RYR2: variants seen among roughly 807,000 people sequenced by gnomAD.
RYR2 encodes the protein cardiac muscle ryanodine receptor-calcium release channel.
In RYR2, 227 loss-of-function variants were observed where a neutral mutation model predicts 601.1. That is an observed-to-expected ratio of 0.38 (90% CI 0.34 to 0.42). RYR2 has a LOEUF of 0.42. Among genes scored for constraint, RYR2 ranks in the 10% least tolerant of loss-of-function variants. The pLI is 1.00. For missense variants in RYR2, 4,646 were observed against 6,156.5 expected, an observed-to-expected ratio of 0.75 and a Z score of 8.21; for synonymous variants, 2,223 against 2,175.1, an observed-to-expected ratio of 1.02 and a Z score of -0.61.
In RYR2 at chr1:237,739,036, T is replaced by C. The variant is rs1315228885; in HGVS notation, c.11092-3260T>C. Among the ~76,000 whole-genome samples the C allele has an allele frequency of 3.3e-5, 5 of 152,344 alleles. No homozygotes were observed. The East Asian group carries it at 5.8e-4, about 18-fold the overall frequency. ...ATGAAATGGTATTTTGCTGGAGTCA[T>C]GATTTTCATTTCTCTTGGCTAGGTA... On this transcript the variant is annotated intron_variant, in intron 79 of 104. Coordinates refer to ENST00000366574, the MANE Select transcript of RYR2 (RefSeq NM_001035.3).
chr1:237,189,657 C>T (rs757334143), intron 1 of RYR2, among the ~76,000 whole-genome samples: 2 of 152,106 alleles, frequency 1.3e-5, no homozygotes, highest in East Asian at 1.9e-4. Context: ...AAGAGGGCCT[C>T]CAACAGAAAT....
At chr1:237,074,519 A>C (rs919354754) in intron 1 of RYR2, among the ~76,000 whole-genome samples, 1 of 152,188 alleles carries the variant, frequency 6.6e-6, no homozygotes, top group Non-Finnish European at 1.5e-5. Context: ...TGTCATCTGC[A>C]TCCCTCCAAA....
At chr1:237,753,448 C>A (rs947348371) in intron 80 of RYR2, among the ~76,000 whole-genome samples, 3 of 152,066 alleles carry the variant, frequency 2.0e-5, no homozygotes, top group Non-Finnish European at 4.4e-5. Context: ...CAGTTATAAC[C>A]AAAAGCAAAT....
At chr1:237,142,469 C>A (rs561664958) in intron 1 of RYR2, among the ~76,000 whole-genome samples, 16 of 152,230 alleles carry the variant, frequency 1.1e-4, no homozygotes, top group Non-Finnish European at 1.9e-4. Context: ...GGCTTGGGTC[C>A]CTGGGAAGGA....
chr1:237,268,943 A>AAAAAAC (rs1354613055), intron 1 of RYR2, among the ~76,000 whole-genome samples: 1 of 148,326 alleles, frequency 6.7e-6, no homozygotes, highest in Non-Finnish European at 1.5e-5. Context: ...CTCAAAAAAA[A>AAAAAAC]AAAAAAAAAA....
At chr1:237,473,291 G>T (rs189418571) in intron 17 of RYR2, among the ~76,000 whole-genome samples, 1 of 151,998 alleles carries the variant, frequency 6.6e-6, no homozygotes, top group African/African-American at 2.4e-5. Flanking sequence ...AGGCATGGTG[G>T]CAGGTACCTG....
chr1:237,548,985 T>C lies in RYR2; in HGVS notation c.3066+395T>C, dbSNP rs188763127. On this transcript the variant is annotated intron_variant, in intron 26 of 104. Transcript: ENST00000366574. ...AAATTTCAGAATTCAGTCTTTTTAT[T>C]TGGTTTTCAGAATGGTGATTTGAGG... 9.0e-4 allele frequency among the ~76,000 whole-genome samples: 137 copies of C among 152,290 alleles called. 1 individual carries two copies. The highest frequency in any genetic ancestry group is 3.0e-3 in the African/African-American group (125 of 41,566).
Position 237,756,323 on chromosome 1 carries a change from G to A in RYR2, c.11181G>A (p.Gln3727=), listed in dbSNP as rs773884612. 2.5e-6 allele frequency: 4 copies of A among 1,613,554 alleles called. No individual in the cohort carries two copies. The highest frequency in any genetic ancestry group is 1.7e-4 in the Middle Eastern group (1 of 6,050). The change falls in exon 81 of 105, where the codon CAG becomes CAA. Residue 3727 remains glutamine (Q), a synonymous_variant. Coordinates refer to ENST00000366574, the MANE Select transcript of RYR2 (RefSeq NM_001035.3). The part of the protein sequence containing the change: ...KEMEKQKLLY[Q]QARLHDRGAA... ...TGGAAAAGCAAAAGCTTCTATACCAGCAAGCCCGACTCCACGATCGTGGCG... is the reference window on the plus strand; with the variant it reads ...TGGAAAAGCAAAAGCTTCTATACCAACAAGCCCGACTCCACGATCGTGGCG...
chr1:237,051,174 T>TC, intron 1 of RYR2, among the ~76,000 whole-genome samples: 1 of 122,236 alleles, frequency 8.2e-6, no homozygotes, highest in East Asian at 2.8e-4. Flanking sequence ...TCCCCTCCCT[T>TC]CCCCCTTCCC....
intron 1 of RYR2, among the ~76,000 whole-genome samples, chr1:237,150,684 T>C (rs1473227303): frequency 6.6e-6 from 1 of 152,164 alleles, no homozygotes; most frequent in Non-Finnish European, 1.5e-5. Context: ...CTATGGTGCC[T>C]TTTCCAGGTT....
intron 29 of RYR2, among the ~76,000 whole-genome samples, chr1:237,583,679 A>G (rs1674184646): frequency 6.6e-6 from 1 of 152,148 alleles, no homozygotes; most frequent in Non-Finnish European, 1.5e-5. Flanking sequence ...TCTTAACTGT[A>G]TTTCAGAAAT....
intron 76 of RYR2, among the ~76,000 whole-genome samples, chr1:237,728,034 A>G (rs1034542316): frequency 6.6e-6 from 1 of 152,100 alleles, no homozygotes; most frequent in African/African-American, 2.4e-5. Context: ...CTCCTTGCAC[A>G]TCATACCACT....
At chr1:237,183,133 T>A (rs926373159) in intron 1 of RYR2, among the ~76,000 whole-genome samples, 2 of 152,096 alleles carry the variant, frequency 1.3e-5, no homozygotes, top group Non-Finnish European at 2.9e-5. Context: ...GGCTTGCAGA[T>A]TGGAATAAAG....
chr1:237,774,526 T>C (rs1395524686), intron 87 of RYR2, among the ~76,000 whole-genome samples: 1 of 152,184 alleles, frequency 6.6e-6, no homozygotes, highest in East Asian at 1.9e-4. Flanking sequence ...CTTGGAAGCA[T>C]GGCACTTTTT....
intron 46 of RYR2, among the ~76,000 whole-genome samples, chr1:237,640,301 G>GCT (rs987010731): frequency 3.3e-5 from 5 of 152,192 alleles, no homozygotes; most frequent in African/African-American, 1.2e-4. Context: ...TCCAGATTTG[G>GCT]CTCTCATCAG....
chr1:237,756,242 G>T (rs1485816656), intron 80 of RYR2, 46 bp from the exon 81 acceptor site: 1 of 1,282,210 alleles, frequency 7.8e-7, no homozygotes, highest in African/African-American at 1.5e-5. Flanking sequence ...GAAATCTGTT[G>T]TGCTTACTGA....
chr1:237,579,814 G>A (rs1673689375), intron 29 of RYR2, among the ~76,000 whole-genome samples: 1 of 151,930 alleles, frequency 6.6e-6, no homozygotes, highest in African/African-American at 2.4e-5. Flanking sequence ...CTATCACATA[G>A]TATAAACTCC....
intron 1 of RYR2, among the ~76,000 whole-genome samples, chr1:237,193,554 G>C (rs1018816828): frequency 1.3e-5 from 2 of 152,150 alleles, no homozygotes; most frequent in African/African-American, 4.8e-5. Context: ...AATCCTGAGG[G>C]AGTTCATTGC....
intron 25 of RYR2, among the ~76,000 whole-genome samples, chr1:237,544,800 T>C (rs1271272904): frequency 1.3e-5 from 2 of 152,174 alleles, no homozygotes; most frequent in Non-Finnish European, 2.9e-5. Flanking sequence ...GAAAATTCGT[T>C]TCATAAATTA....
Sources: gnomAD v4.1 joint callset for allele counts (sites outside exome capture counted in the v4.1 genomes callset) on GRCh38, gnomAD v4.1.1 for gene constraint, MANE v1.5 for transcripts, NCBI Gene and HGNC (gene_info 2026-07-23, HGNC 2026-07-21) for gene names.